TRIO: variants seen among roughly 807,000 people sequenced by gnomAD.
TRIO encodes the protein trio Rho guanine nucleotide exchange factor, also known as triple functional domain protein.
In TRIO, 58 loss-of-function variants were observed where a neutral mutation model predicts 351.9. The observed-to-expected ratio is 0.16, with a 90% CI of 0.13 to 0.21. The LOEUF is 0.21. Among genes scored for constraint, TRIO ranks in the 10% least tolerant of loss-of-function variants. TRIO has a pLI of 1.00. For synonymous variants in TRIO, 1,758 were observed against 1,595.7 expected, an observed-to-expected ratio of 1.10 and a Z score of -2.42; for missense variants, 3,201 against 4,027.8, an observed-to-expected ratio of 0.79 and a Z score of 5.56.
At chr5:14,221,135 A>G (rs116055924) in intron 1 of TRIO, among the ~76,000 whole-genome samples, 2,142 of 152,304 alleles carry the variant, frequency 0.014, 34 homozygotes, top group African/African-American at 0.048. Context: ...TGTTCTGTAC[A>G]TGGAACAACA....
At chr5:14,405,175 A>G (rs1370566455) in intron 31 of TRIO, among the ~76,000 whole-genome samples, 1 of 151,790 alleles carries the variant, frequency 6.6e-6, no homozygotes, top group Non-Finnish European at 1.5e-5. Flanking sequence ...TGTGGTTCTC[A>G]GAGGACATTT....
chr5:14,264,525 T>G (rs569370686), intron 1 of TRIO, among the ~76,000 whole-genome samples: 1 of 152,266 alleles, frequency 6.6e-6, no homozygotes, highest in South Asian at 2.1e-4. Flanking sequence ...ATATTTATGT[T>G]AAAAAAATAA....
Position 14,481,295 on chromosome 5 carries a change from C to T in TRIO, c.6387+11C>T, listed in dbSNP as rs371224581. ...ACATCAGAATTAGAGGTACATGCAT[C>T]AGCGGCTGTGGGCACCCAAATCCCC... is the stretch of plus-strand genomic sequence containing the variant. On this transcript the variant is annotated intron_variant, in intron 44 of 56. Transcript: ENST00000344204. 3.2e-5 allele frequency: 51 copies of T among 1,613,160 alleles called. No homozygotes were observed. In the African/African-American group the frequency reaches 5.3e-4, roughly 17 times the overall value.
chr5:14,277,466 G>T (rs748788218), intron 2 of TRIO, among the ~76,000 whole-genome samples: 1 of 152,176 alleles, frequency 6.6e-6, no homozygotes, highest in Admixed American at 6.5e-5. Flanking sequence ...AGCATTTCCT[G>T]TCTTTTTCAT....
At chr5:14,443,292 A>C (rs1752203350) in intron 34 of TRIO, among the ~76,000 whole-genome samples, 2 of 152,154 alleles carry the variant, frequency 1.3e-5, no homozygotes. Context: ...CTTCACCATA[A>C]AGGATAGATA....
At chr5:14,179,861 G>A (rs1175475356) in intron 1 of TRIO, among the ~76,000 whole-genome samples, 1 of 152,046 alleles carries the variant, frequency 6.6e-6, no homozygotes, top group Admixed American at 6.6e-5. Flanking sequence ...GGAGGCTGAG[G>A]TGGGTGGATC....
At chr5:14,372,673 C>T (rs1745224167) in intron 18 of TRIO, among the ~76,000 whole-genome samples, 2 of 152,062 alleles carry the variant, frequency 1.3e-5, no homozygotes, top group Admixed American at 6.5e-5. Flanking sequence ...ATAGCAACTT[C>T]TACATATGAC....
Position 14,316,554 on chromosome 5 carries a change from G to T in TRIO, c.1542G>T (p.Arg514=). 2 of 1,614,192 alleles carry T rather than the reference G, an allele frequency of 1.2e-6. No homozygotes were observed. The highest frequency in any genetic ancestry group is 1.7e-6 in the Non-Finnish European group (2 of 1,180,020). ...AGTCGCTCCTTGACAAGCTCCAGCG[G>T]CCCTTGACTCCCGGCAGCTCCGATT... ...DGKSLLDKLQ[R]PLTPGSSDSL... is the part of the protein sequence containing the mutation. The change falls in exon 9 of 57, where the codon CGG becomes CGT. Residue 514 remains arginine (R), a synonymous_variant. Coordinates refer to ENST00000344204, the MANE Select transcript of TRIO (RefSeq NM_007118.4).
chr5:14,211,270 T>C (rs964912209), intron 1 of TRIO, among the ~76,000 whole-genome samples: 2 of 152,200 alleles, frequency 1.3e-5, no homozygotes, highest in Non-Finnish European at 2.9e-5. Flanking sequence ...CTCAAAGATT[T>C]GATGTAAAAA....
chr5:14,276,283 A>G (rs1735511858), intron 2 of TRIO, among the ~76,000 whole-genome samples: 1 of 152,208 alleles, frequency 6.6e-6, no homozygotes, highest in South Asian at 2.1e-4. Context: ...GCAGGGACTG[A>G]CTGAGAGTGC....
At chr5:14,287,196 C>A (rs1012823377) in intron 4 of TRIO, 133 bp downstream of exon 4, 3 of 841,416 alleles carry the variant, frequency 3.6e-6, no homozygotes, top group East Asian at 2.6e-5. Context: ...ACATGTGATA[C>A]GTAAAATTAG....
intron 49 of TRIO, 111 bp from the exon 50 acceptor site, chr5:14,496,768 A>G: frequency 7.2e-7 from 1 of 1,393,650 alleles, no homozygotes; most frequent in Non-Finnish European, 9.6e-7. Flanking sequence ...AGGATTTCCC[A>G]TCCCCCTGCA....
At chr5:14,240,565 A>C (rs1374441352) in intron 1 of TRIO, among the ~76,000 whole-genome samples, 1 of 152,238 alleles carries the variant, frequency 6.6e-6, no homozygotes, top group Non-Finnish European at 1.5e-5. Context: ...GATGAAATCT[A>C]AGCCAAGCAT....
At chr5:14,225,689 G>A (rs1792947337) in intron 1 of TRIO, among the ~76,000 whole-genome samples, 1 of 151,954 alleles carries the variant, frequency 6.6e-6, no homozygotes, top group Non-Finnish European at 1.5e-5. Context: ...GGCTTCCCTT[G>A]ATGAGTCAGG....
At chr5:14,390,209 A>T (rs1315772481) in intron 25 of TRIO, 22 bp from the exon 26 acceptor site, 1 of 1,609,674 alleles carries the variant, frequency 6.2e-7, no homozygotes, top group Non-Finnish European at 8.5e-7. Context: ...TTGTAATATG[A>T]TACCATTTTT....
At chr5:14,404,994 T>C (rs1430536817) in intron 31 of TRIO, among the ~76,000 whole-genome samples, 1 of 150,908 alleles carries the variant, frequency 6.6e-6, no homozygotes, top group African/African-American at 2.4e-5. Flanking sequence ...GCTTATATCA[T>C]AGGAGATTGA....
chr5:14,358,853 CAG>C (rs1743872363), intron 12 of TRIO, among the ~76,000 whole-genome samples: 1 of 152,134 alleles, frequency 6.6e-6, no homozygotes, highest in South Asian at 2.1e-4. Context: ...TTTATTGGGT[CAG>C]GGGGACCATT....
At chr5:14,363,394 A>G (rs538482869) in intron 13 of TRIO, among the ~76,000 whole-genome samples, 92 of 152,250 alleles carry the variant, frequency 6.0e-4, no homozygotes, top group African/African-American at 2.2e-3. Context: ...ACCATTAGGA[A>G]TATTACTGGA....
At chr5:14,208,335 A>G (rs1416414303) in intron 1 of TRIO, among the ~76,000 whole-genome samples, 1 of 152,252 alleles carries the variant, frequency 6.6e-6, no homozygotes, top group Non-Finnish European at 1.5e-5. Context: ...AGCAATAAGG[A>G]ACAAATTTCT....
Sources: gnomAD v4.1 joint callset for allele counts (sites outside exome capture counted in the v4.1 genomes callset) on GRCh38, gnomAD v4.1.1 for gene constraint, MANE v1.5 for transcripts, NCBI Gene and HGNC (gene_info 2026-07-23, HGNC 2026-07-21) for gene names.